Variants in EXT1 observed in about 807,000 individuals in gnomAD.
EXT1 encodes exostosin-1.
A neutral mutation model predicts 82.5 loss-of-function variants in EXT1; 20 were observed. The ratio of observed to expected loss-of-function variants is 0.24; its 90% CI spans 0.17 to 0.35. The LOEUF is 0.35. EXT1 is among the 10% of genes least tolerant of loss of function. EXT1 has a pLI of 1.00. For missense variants in EXT1, 757 were observed against 936.5 expected (o/e 0.81, Z 2.50); for synonymous variants, 348 against 350.8 (o/e 0.99, Z 0.09).
chr8:117,947,843 GC>G (rs1814418211), intron 1 of EXT1, among the ~76,000 whole-genome samples: 1 of 152,146 alleles, frequency 6.6e-6, no homozygotes, highest in Admixed American at 6.5e-5. Context: ...TGAGTAATTA[GC>G]CTCAAGTAAT....
At chr8:118,098,198 A>C (rs1817654103) in intron 1 of EXT1, among the ~76,000 whole-genome samples, 1 of 152,140 alleles carries the variant, frequency 6.6e-6, no homozygotes, top group African/African-American at 2.4e-5. Context: ...CAGGACACTG[A>C]AATGTGTGCA....
In EXT1 at chr8:118,098,287, T is replaced by C. The variant is rs138888082; in HGVS notation, c.962+11798A>G. On this transcript the variant is annotated intron_variant, in intron 1 of 10. Transcript: ENST00000378204. ...CCCAACATACCTGCCAGGACAACCATAGGACAAGAGACGAGATGTCCCTTG... is the reference window on the plus strand; with the variant it reads ...CCCAACATACCTGCCAGGACAACCACAGGACAAGAGACGAGATGTCCCTTG... Among the ~76,000 whole-genome samples the C allele has an allele frequency of 1.2e-3, 179 of 152,136 alleles. 1 individual carries two copies. The highest frequency in any genetic ancestry group is 3.8e-3 in the African/African-American group (157 of 41,496).
intron 1 of EXT1, among the ~76,000 whole-genome samples, chr8:117,906,448 A>ACAG (rs1327684536): frequency 6.6e-6 from 1 of 152,212 alleles, no homozygotes; most frequent in African/African-American, 2.4e-5. Context: ...TTCTTCTAAC[A>ACAG]CAGCAGTCCA....
At chr8:117,811,023 C>A (rs1823309806) in intron 8 of EXT1, among the ~76,000 whole-genome samples, 1 of 152,168 alleles carries the variant, frequency 6.6e-6, no homozygotes, top group Non-Finnish European at 1.5e-5. Context: ...CTAACTCCTT[C>A]AGGCCAAAGG....
intron 1 of EXT1, among the ~76,000 whole-genome samples, chr8:117,930,567 A>G (rs553277969): frequency 6.2e-4 from 95 of 152,298 alleles, no homozygotes; most frequent in Middle Eastern, 3.4e-3. Flanking sequence ...AGGAGAAGAG[A>G]GTGTGATGGT....
Position 118,111,300 on chromosome 8 carries a change from C to T in EXT1, c.-254G>A, listed in dbSNP as rs990967261. ...CGGGAGAGAGCGGGGCTGAATATCT[C>T]GCACCCAGGGCGGGCGAGCAGCGGA... On this transcript the variant is annotated 5_prime_UTR_variant, in exon 1 of 11. Coordinates refer to ENST00000378204, the MANE Select transcript of EXT1 (RefSeq NM_000127.3). The T allele has an allele frequency of 3.7e-5, 23 of 613,650 alleles. No homozygotes were observed. In the African/African-American group the frequency reaches 4.2e-4, roughly 11 times the overall value. The allele number at this position is 613,650 out of a possible 1,614,324, so 38.0% of individuals were successfully genotyped here. A position where few individuals can be genotyped will look rare whatever the true frequency, so the allele number is the denominator to read the frequency against.
intron 7 of EXT1, among the ~76,000 whole-genome samples, chr8:117,816,047 C>T (rs1255118168): frequency 6.6e-6 from 1 of 151,496 alleles, no homozygotes; most frequent in African/African-American, 2.4e-5. Flanking sequence ...AAGAAATGTA[C>T]ACAAATAATT....
At chr8:117,854,188 G>A (rs1433008120) in intron 1 of EXT1, among the ~76,000 whole-genome samples, 1 of 152,238 alleles carries the variant, frequency 6.6e-6, no homozygotes, top group African/African-American at 2.4e-5. Flanking sequence ...CAGTTATTAA[G>A]GCATTAGTTT....
intron 1 of EXT1, among the ~76,000 whole-genome samples, chr8:117,984,429 A>AAAAAC (rs1215230907): frequency 5.4e-5 from 8 of 146,964 alleles, no homozygotes; most frequent in South Asian, 2.2e-4. Flanking sequence ...ACTCCGTCTC[A>AAAAAC]AAAACAAAAC....
intron 1 of EXT1, among the ~76,000 whole-genome samples, chr8:117,875,809 G>A (rs12682480): frequency 0.23 from 34,804 of 151,968 alleles, 4,186 homozygotes; most frequent in East Asian, 0.37. Flanking sequence ...GTTTCCAGAT[G>A]AGCAAATGCC....
intron 1 of EXT1, among the ~76,000 whole-genome samples, chr8:118,094,806 G>T (rs978950082): frequency 6.6e-6 from 1 of 152,142 alleles, no homozygotes; most frequent in Admixed American, 6.5e-5. Flanking sequence ...GTTCCATTTC[G>T]GATTCGGTCA....
intron 1 of EXT1, among the ~76,000 whole-genome samples, chr8:117,848,923 G>A (rs1041426147): frequency 5.3e-5 from 8 of 152,112 alleles, no homozygotes; most frequent in African/African-American, 1.7e-4. Context: ...GGCTCCTCCT[G>A]GCACTTAGAA....
At chr8:118,107,636 G>A (rs993808549) in intron 1 of EXT1, among the ~76,000 whole-genome samples, 1 of 152,160 alleles carries the variant, frequency 6.6e-6, no homozygotes, top group African/African-American at 2.4e-5. Context: ...GCCAGAGCAC[G>A]ACACACGTTG....
At chr8:118,022,315 G>T (rs983973831) in intron 1 of EXT1, among the ~76,000 whole-genome samples, 1 of 144,064 alleles carries the variant, frequency 6.9e-6, no homozygotes, top group Non-Finnish European at 1.5e-5. Flanking sequence ...TTGGCCGGGC[G>T]CATATATATT....
At chr8:117,949,424 C>A (rs1008955780) in intron 1 of EXT1, among the ~76,000 whole-genome samples, 3 of 150,946 alleles carry the variant, frequency 2.0e-5, no homozygotes, top group African/African-American at 7.3e-5. Context: ...TATTTATAAT[C>A]CACAGGTAAG....
chr8:117,996,171 C>T (rs1473924023), intron 1 of EXT1, among the ~76,000 whole-genome samples: 1 of 152,062 alleles, frequency 6.6e-6, no homozygotes. Context: ...ACCCAGCCAC[C>T]ATATGAGGAG....
chr8:117,863,886 A>G (rs1454423671), intron 1 of EXT1, among the ~76,000 whole-genome samples: 2 of 152,204 alleles, frequency 1.3e-5, no homozygotes, highest in Non-Finnish European at 2.9e-5. Flanking sequence ...AAGCCCGGTC[A>G]GCATAAATCA....
intron 1 of EXT1, among the ~76,000 whole-genome samples, chr8:117,964,105 G>C (rs1021748978): frequency 6.6e-6 from 1 of 152,168 alleles, no homozygotes; most frequent in Admixed American, 6.5e-5. Context: ...ACAGTGCTTT[G>C]TATCATTTGT....
At chr8:118,063,696 G>T (rs17476924) in intron 1 of EXT1, among the ~76,000 whole-genome samples, 3,255 of 152,212 alleles carry the variant, frequency 0.021, 111 homozygotes, top group African/African-American at 0.075. Flanking sequence ...TCCTTGCTTC[G>T]GTTTACAACT....
Sources: allele counts gnomAD v4.1 joint callset (sites outside exome capture counted in the v4.1 genomes callset), GRCh38; gene constraint gnomAD v4.1.1; transcripts MANE v1.5; gene names NCBI Gene and HGNC (gene_info 2026-07-23, HGNC 2026-07-21).